The following BTRC variants were observed in gnomAD, a reference collection of about 807,000 sequenced individuals.
The protein encoded by BTRC is beta-transducin repeat containing E3 ubiquitin protein ligase.
A neutral mutation model predicts 85.5 loss-of-function variants in BTRC; 42 were observed. The observed-to-expected ratio is 0.49, with a 90% confidence interval of 0.38 to 0.64. The LOEUF (loss-of-function observed/expected upper bound fraction) is 0.64, where lower values mean the gene tolerates loss of function less well. Ranked by LOEUF, BTRC falls within the 30% of genes least tolerant of loss-of-function variation. BTRC has a pLI of 0.00. For synonymous variants in BTRC, 255 were observed against 263.3 expected (o/e 0.97, Z 0.30); for missense variants, 594 against 743.5 (o/e 0.80, Z 2.34).
chr10:101,427,532 C>G (rs1396742905), intron 1 of BTRC, among the ~76,000 whole-genome samples: 3 of 128,024 alleles, frequency 2.3e-5, no homozygotes, highest in African/African-American at 9.0e-5. Context: ...ACTTTCTTTT[C>G]TTTCTTCTTT....
chr10:101,498,215 G>A (rs767947341), intron 4 of BTRC, among the ~76,000 whole-genome samples: 15 of 151,862 alleles, frequency 9.9e-5, no homozygotes, highest in South Asian at 2.1e-4. Context: ...GTGCGGTGGC[G>A]TGATCTCAGC....
chr10:101,433,125 A>G (rs745860042), intron 2 of BTRC, among the ~76,000 whole-genome samples: 3 of 152,196 alleles, frequency 2.0e-5, no homozygotes, highest in Admixed American at 6.5e-5. Flanking sequence ...AGGAAAGGCC[A>G]TTCCTTTCTT....
intron 1 of BTRC, among the ~76,000 whole-genome samples, chr10:101,366,059 T>A (rs1469393099): frequency 1.3e-5 from 2 of 152,134 alleles, no homozygotes; most frequent in African/African-American, 2.4e-5. Context: ...TAAATTGCCA[T>A]GTATAAGTAA....
intron 1 of BTRC, among the ~76,000 whole-genome samples, chr10:101,410,394 A>T (rs1943743570): frequency 6.6e-6 from 1 of 152,246 alleles, no homozygotes. Flanking sequence ...AGGTGGGCGG[A>T]TCATGAGGTC....
At chr10:101,366,821 AATATATATTTATATATATTT>A (rs1173093098) in intron 1 of BTRC, among the ~76,000 whole-genome samples, 1 of 49,334 alleles carries the variant, frequency 2.0e-5, no homozygotes, top group Non-Finnish European at 3.3e-5. Flanking sequence ...TATATATATT[AATATATATTTATATATATTT>A]ATGTATATTA....
At chr10:101,503,791 C>G (rs1402557053) in intron 4 of BTRC, among the ~76,000 whole-genome samples, 1 of 152,152 alleles carries the variant, frequency 6.6e-6, no homozygotes, top group African/African-American at 2.4e-5. Context: ...TTGTATTTTC[C>G]TAATCCCAGT....
At chr10:101,415,897 A>C (rs577807192) in intron 1 of BTRC, among the ~76,000 whole-genome samples, 1 of 152,340 alleles carries the variant, frequency 6.6e-6, no homozygotes, top group African/African-American at 2.4e-5. Context: ...ATACACAAAT[A>C]CTTTCCACTA....
At chr10:101,413,408 G>A (rs1268060165) in intron 1 of BTRC, among the ~76,000 whole-genome samples, 1 of 151,728 alleles carries the variant, frequency 6.6e-6, no homozygotes, top group Non-Finnish European at 1.5e-5. Flanking sequence ...CCGCCTCCAG[G>A]GTTTACACCA....
chr10:101,464,748 T>G (rs1945328045), intron 3 of BTRC, among the ~76,000 whole-genome samples: 1 of 152,204 alleles, frequency 6.6e-6, no homozygotes, highest in South Asian at 2.1e-4. Flanking sequence ...GAGATCCTCC[T>G]GGGGCCCTCA....
rs112498195 is a variant in BTRC at position 101,462,212 on chromosome 10, A to G, written c.234+154A>G. On this transcript the variant is annotated intron_variant, in intron 3 of 14. Transcript: ENST00000370187. ...CATAGCCATCACTTTCAATCAGGTG[A>G]CATGGTTTTCCCAGTTATTTAAAAA... Among the ~76,000 whole-genome samples the G allele has an allele frequency of 4.8e-3, 732 of 152,356 alleles. 8 individuals carry two copies. Among genetic ancestry groups the G allele is most frequent in the African/African-American group, 0.017 (687 of 41,580 alleles).
intron 1 of BTRC, among the ~76,000 whole-genome samples, chr10:101,425,337 GTCAT>G (rs1282053718): frequency 6.6e-6 from 1 of 152,088 alleles, no homozygotes; most frequent in Non-Finnish European, 1.5e-5. Flanking sequence ...GGCTAGTGAA[GTCAT>G]TCAGTTGGAT....
chr10:101,550,994 A>G (rs1167255359), intron 14 of BTRC, 103 bp downstream of exon 14: 6 of 1,069,608 alleles, frequency 5.6e-6, no homozygotes, highest in African/African-American at 1.6e-5. Context: ...TTGGGTCACC[A>G]ACTCCTGTAA....
intron 4 of BTRC, among the ~76,000 whole-genome samples, chr10:101,497,839 G>A (rs147306435): frequency 0.022 from 3,275 of 152,014 alleles, 59 homozygotes; most frequent in Non-Finnish European, 0.037. Context: ...GGCCAACATG[G>A]TGAAACCCCA....
chr10:101,499,991 A>G (rs962048097), intron 4 of BTRC, among the ~76,000 whole-genome samples: 3 of 151,652 alleles, frequency 2.0e-5, no homozygotes, highest in African/African-American at 7.3e-5. Context: ...TACAACTGGC[A>G]AAGAACAGTG....
intron 1 of BTRC, among the ~76,000 whole-genome samples, chr10:101,413,933 T>C (rs938537846): frequency 6.6e-6 from 1 of 152,228 alleles, no homozygotes; most frequent in Admixed American, 6.5e-5. Context: ...TTAAAGTCTG[T>C]GATTACTTAT....
intron 4 of BTRC, among the ~76,000 whole-genome samples, chr10:101,494,272 G>T: frequency 6.6e-6 from 1 of 152,172 alleles, no homozygotes; most frequent in South Asian, 2.1e-4. Flanking sequence ...GGTGTCAGAG[G>T]TATACTGTCT....
At chr10:101,411,633 C>T (rs554142911) in intron 1 of BTRC, among the ~76,000 whole-genome samples, 130 of 151,952 alleles carry the variant, frequency 8.6e-4, no homozygotes, top group Non-Finnish European at 1.6e-3. Context: ...CTTTTTATTT[C>T]ATTCTTTTTT....
intron 3 of BTRC, among the ~76,000 whole-genome samples, chr10:101,472,356 T>C (rs991071849): frequency 5.8e-5 from 8 of 137,386 alleles, no homozygotes; most frequent in Non-Finnish European, 1.2e-4. Flanking sequence ...TTGGTAGAGA[T>C]GGGGTCTCTC....
At chr10:101,499,214 T>G (rs961095054) in intron 4 of BTRC, among the ~76,000 whole-genome samples, 2 of 152,168 alleles carry the variant, frequency 1.3e-5, no homozygotes, top group African/African-American at 4.8e-5. Flanking sequence ...ACACTTGGCC[T>G]GTACCTGGGC....
Sources: gnomAD v4.1 joint callset for allele counts (sites outside exome capture counted in the v4.1 genomes callset) on GRCh38, gnomAD v4.1.1 for gene constraint, MANE v1.5 for transcripts, NCBI Gene and HGNC (gene_info 2026-07-23, HGNC 2026-07-21) for gene names.